Variants in FYN observed in about 807,000 individuals in gnomAD.
The protein encoded by FYN is tyrosine-protein kinase Fyn.
A neutral mutation model predicts 70.2 loss-of-function variants in FYN; 10 were observed. The observed-to-expected ratio is 0.14, with a 90% CI of 0.09 to 0.24. The LOEUF is 0.24. Ranked by LOEUF, FYN falls within the 10% of genes least tolerant of loss-of-function variation. The pLI is 1.00. For synonymous variants in FYN, 236 were observed against 248.6 expected (o/e 0.95, Z 0.48); for missense variants, 319 against 673.1 (o/e 0.47, Z 5.82).
chr6:111,691,731 C>T (rs1439092035), intron 12 of FYN, among the ~76,000 whole-genome samples: 1 of 152,214 alleles, frequency 6.6e-6, no homozygotes, highest in African/African-American at 2.4e-5. Flanking sequence ...TCCTTAAAAA[C>T]AGTCCCATAA....
At chr6:111,684,623 G>A (rs1798913043) in intron 12 of FYN, among the ~76,000 whole-genome samples, 1 of 152,134 alleles carries the variant, frequency 6.6e-6, no homozygotes, top group South Asian at 2.1e-4. Flanking sequence ...ATCCCTAGAG[G>A]AGCCAGGAAG....
At chr6:111,760,891 C>T (rs1230015579) in intron 3 of FYN, among the ~76,000 whole-genome samples, 1 of 152,238 alleles carries the variant, frequency 6.6e-6, no homozygotes, top group East Asian at 1.9e-4. Context: ...AGTCTGCCCT[C>T]GGCCTTCTCC....
intron 12 of FYN, among the ~76,000 whole-genome samples, chr6:111,688,633 T>A (rs752253339): frequency 1.3e-5 from 2 of 151,624 alleles, no homozygotes; most frequent in Admixed American, 1.3e-4. Context: ...GCAGCGTGTG[T>A]GTGCTCATGC....
chr6:111,826,617 T>C (rs559847417), intron 2 of FYN, among the ~76,000 whole-genome samples: 1 of 152,318 alleles, frequency 6.6e-6, no homozygotes, highest in African/African-American at 2.4e-5. Flanking sequence ...AAAGTTCCTC[T>C]TTGTTACATT....
At chr6:111,724,253 T>C (rs1801088505) in intron 3 of FYN, among the ~76,000 whole-genome samples, 1 of 152,042 alleles carries the variant, frequency 6.6e-6, no homozygotes, top group Non-Finnish European at 1.5e-5. Flanking sequence ...TCACAGCCCT[T>C]TCTGCTGCCA....
chr6:111,780,602 C>A lies in FYN; in HGVS notation c.-48G>T, dbSNP rs1379297098. On this transcript the variant is annotated 5_prime_UTR_variant, in exon 3 of 14. Coordinates refer to ENST00000354650, the MANE Select transcript of FYN (RefSeq NM_002037.5). ...CCAACGATCACAAACTTTATATACA[C>A]CACATGTCTTCTACAACAGAGGCAG... The A allele has an allele frequency of 6.6e-6, 1 of 152,610 alleles. No individual in the cohort carries two copies. Among genetic ancestry groups the A allele is most frequent in the Non-Finnish European group, 1.5e-5 (1 of 68,044 alleles). The allele number at this position is 152,610 out of a possible 1,614,324, so 9.5% of individuals were successfully genotyped here.
chr6:111,731,030 A>T (rs1328667557), intron 3 of FYN, among the ~76,000 whole-genome samples: 4 of 152,206 alleles, frequency 2.6e-5, no homozygotes, highest in Non-Finnish European at 4.4e-5. Context: ...TGGCAGAGCC[A>T]CAAGAAAACA....
chr6:111,785,238 T>A (rs547998497), intron 2 of FYN, among the ~76,000 whole-genome samples: 95 of 152,350 alleles, frequency 6.2e-4, no homozygotes, highest in African/African-American at 2.2e-3. Context: ...TGTCATCCCA[T>A]GGGATAAGTT....
At chr6:111,824,695 G>T (rs1772778107) in intron 2 of FYN, among the ~76,000 whole-genome samples, 1 of 152,016 alleles carries the variant, frequency 6.6e-6, no homozygotes, top group Non-Finnish European at 1.5e-5. Flanking sequence ...CTTAGGTTTG[G>T]GTTTAGCTAT....
rs770119405 is a variant in FYN, at chr6:111,661,742, C to A, written c.1611G>T (p.Leu537=). Residue 537 remains leucine, a synonymous_variant, in exon 14 of 14, where the codon CTG becomes CTT. Transcript: ENST00000354650. The surrounding 1 kb of genome is among the most constrained non-coding windows in gnomAD (Gnocchi z 4.0). ...CCTCTCTCCGCAGACCCGGGCCTTACAGGTTTTCACCAGGTTGGTACTGGG... is the reference window on the plus strand; with the variant it reads ...CCTCTCTCCGCAGACCCGGGCCTTAAAGGTTTTCACCAGGTTGGTACTGGG... ...TEPQYQPGEN[L] 6.2e-7 allele frequency: 1 copy of A among 1,613,708 alleles called. No homozygotes were observed. The highest frequency in any genetic ancestry group is 1.7e-5 in the Admixed American group (1 of 60,008).
chr6:111,786,490 T>C (rs1460458701), intron 2 of FYN, among the ~76,000 whole-genome samples: 2 of 152,384 alleles, frequency 1.3e-5, no homozygotes, highest in African/African-American at 4.8e-5. Context: ...TCCAACTCTT[T>C]GCTATTGTGA....
intron 1 of FYN, among the ~76,000 whole-genome samples, chr6:111,847,578 A>G (rs998064230): frequency 3.3e-5 from 5 of 152,246 alleles, no homozygotes; most frequent in Admixed American, 6.5e-5. Context: ...AAGCTTTTCA[A>G]TGTGACTCTT....
At chr6:111,686,487 G>A (rs1169579311) in intron 12 of FYN, among the ~76,000 whole-genome samples, 1 of 152,142 alleles carries the variant, frequency 6.6e-6, no homozygotes, top group Non-Finnish European at 1.5e-5. Flanking sequence ...CTGGGGAGGT[G>A]GGGGTTGGCA....
chr6:111,718,489 T>C (rs1562488894), intron 4 of FYN, among the ~76,000 whole-genome samples: 1 of 152,176 alleles, frequency 6.6e-6, no homozygotes, highest in East Asian at 1.9e-4. Context: ...GAATGATACC[T>C]GCAGACCCAG....
rs1465963577 is a variant in FYN, at chr6:111,702,966, G to A, written c.616C>T (p.Arg206Cys). The change falls in exon 8 of 14, where the codon CGC (arginine) becomes TGC (cysteine). Residue 206 changes from arginine (R) to cysteine (C), a missense_variant. Arg to Cys is a radical substitution (Grantham distance 180). This residue lies in a region of FYN where 112 missense variants were observed against 250.2 expected (regional missense o/e 0.45). Transcript: ENST00000354650. Reference protein sequence around the residue: ...KGDHVKHYKIRKLDNGGYYIT... With the variant: ...KGDHVKHYKICKLDNGGYYIT... ...TAGTATCCACCATTGTCAAGTTTGCGAATTTTATAATGTTTGACATGGTCT... is the reference window on the plus strand; with the variant it reads ...TAGTATCCACCATTGTCAAGTTTGCAAATTTTATAATGTTTGACATGGTCT... 1 of 1,614,112 alleles carries A rather than the reference G, an allele frequency of 6.2e-7. No homozygotes were observed. The highest frequency in any genetic ancestry group is 8.5e-7 in the Non-Finnish European group (1 of 1,179,982).
chr6:111,770,171 G>A (rs943272108), intron 3 of FYN, among the ~76,000 whole-genome samples: 4 of 152,152 alleles, frequency 2.6e-5, no homozygotes, highest in African/African-American at 9.7e-5. Flanking sequence ...CGCTGTAAAT[G>A]TAAACTACAT....
At chr6:111,739,299 C>T (rs908882431) in intron 3 of FYN, among the ~76,000 whole-genome samples, 1 of 152,160 alleles carries the variant, frequency 6.6e-6, no homozygotes, top group Non-Finnish European at 1.5e-5. Flanking sequence ...TGCACATGCA[C>T]GGGAGATGTG....
intron 1 of FYN, among the ~76,000 whole-genome samples, chr6:111,855,261 C>T (rs772135427): frequency 1.6e-4 from 24 of 151,952 alleles, no homozygotes; most frequent in South Asian, 8.3e-4. Context: ...ACAGGTAAAA[C>T]GTCTCATATT....
chr6:111,846,558 C>A, intron 2 of FYN, 31 bp downstream of exon 2: 3 of 398,954 alleles, frequency 7.5e-6, no homozygotes, highest in Non-Finnish European at 1.3e-5. Flanking sequence ...TCACAAGGCA[C>A]TTGCTCTCAG....
Sources: allele counts gnomAD v4.1 joint callset (sites outside exome capture counted in the v4.1 genomes callset), GRCh38; gene constraint gnomAD v4.1.1; regional missense constraint gnomAD v4.1.1; non-coding constraint Gnocchi (gnomAD v3.1); transcripts MANE v1.5; gene names NCBI Gene and HGNC (gene_info 2026-07-23, HGNC 2026-07-21).